Variants in COPG2 observed in about 807,000 individuals in gnomAD.
COPG2 encodes coat protein complex I subunit gamma 2.
Under a neutral mutation model 46.3 loss-of-function variants are expected in COPG2, and 37 were observed. The ratio of observed to expected loss-of-function variants is 0.80; its 90% CI spans 0.61 to 1.05. The LOEUF (loss-of-function observed/expected upper bound fraction) is 1.05, where lower values mean the gene tolerates loss of function less well. Ranked by LOEUF, COPG2 falls within the 50% of genes least tolerant of loss-of-function variation. The pLI is 0.00. For synonymous variants in COPG2, 159 were observed against 129.7 expected (o/e 1.23, Z -1.53); for missense variants, 427 against 387.8 (o/e 1.10, Z -0.85).
At chr7:130,659,354 C>CAAAAAAAAA (rs59413856) in intron 4 of COPG2, among the ~76,000 whole-genome samples, 1 of 65,466 alleles carries the variant, frequency 1.5e-5, no homozygotes, top group Non-Finnish European at 2.8e-5. Flanking sequence ...GACTCCGTCT[C>CAAAAAAAAA]AAAAAAAAAA....
intron 4 of COPG2, among the ~76,000 whole-genome samples, chr7:130,656,999 T>G (rs1348345597): frequency 1.3e-5 from 2 of 149,882 alleles, no homozygotes; most frequent in African/African-American, 2.4e-5. Context: ...ATTTCTATAT[T>G]ATCTATATAT....
chr7:130,652,129 T>A (rs1554459218), intron 5 of COPG2, among the ~76,000 whole-genome samples: 1 of 152,234 alleles, frequency 6.6e-6, no homozygotes, highest in Non-Finnish European at 1.5e-5. Flanking sequence ...GACACGTAAG[T>A]TGTTTGTCCT....
At chr7:130,600,912 G>C (rs1237513830) in intron 9 of COPG2, among the ~76,000 whole-genome samples, 1 of 152,160 alleles carries the variant, frequency 6.6e-6, no homozygotes, top group East Asian at 1.9e-4. Context: ...GTTTGTCTGT[G>C]TGACCAAAGG....
chr7:130,604,145 T>A (rs905663455), intron 9 of COPG2, among the ~76,000 whole-genome samples: 1 of 152,058 alleles, frequency 6.6e-6, no homozygotes, highest in African/African-American at 2.4e-5. Flanking sequence ...TGGAAGAAAA[T>A]CCATGTGTAA....
intron 8 of COPG2, 143 bp downstream of exon 8, chr7:130,612,009 G>C (rs1794858094): frequency 1.6e-6 from 1 of 645,086 alleles, no homozygotes; most frequent in Non-Finnish European, 2.8e-6. Flanking sequence ...TAATTAGTGA[G>C]ATTCCTACTT....
In COPG2 at chr7:130,547,710, T is replaced by G. The variant is rs1054839359; in HGVS notation, c.2113A>C (p.Thr705Pro). Residue 705 changes from threonine (T) to proline (P), a missense_variant, in exon 20 of 24, where the codon ACT becomes CCT. Physicochemically the swap from Thr to Pro is conservative, Grantham distance 38 (BLOSUM62 -1). Transcript: ENST00000425248. ...TCATCATCAGGCAAACGAACAAGAG[T>G]GTAACATATTCCTGGTTGGTTATAA... ...LPYNQPGICY[T>P]LVRLPDDDPT... is the part of the protein sequence containing the mutation. The G allele has an allele frequency of 7.5e-6, 3 of 398,304 alleles. No individual in the cohort carries two copies. Among genetic ancestry groups the G allele is most frequent in the African/African-American group, 2.1e-5 (1 of 48,586 alleles). 24.7% of individuals were successfully genotyped at this position (398,304 alleles called of 1,614,324 possible).
At chr7:130,531,630 A>G (rs1799826329) in intron 20 of COPG2, among the ~76,000 whole-genome samples, 1 of 152,138 alleles carries the variant, frequency 6.6e-6, no homozygotes, top group South Asian at 2.1e-4. Flanking sequence ...CAGAGAGAAA[A>G]TAAGGAAGGG....
intron 20 of COPG2, among the ~76,000 whole-genome samples, chr7:130,535,467 T>C (rs1799869426): frequency 6.6e-6 from 1 of 151,214 alleles, no homozygotes; most frequent in Admixed American, 6.6e-5. Flanking sequence ...AACCAAGGAA[T>C]GTGGAGTGCT....
At chr7:130,606,143 T>C (rs1338538257) in intron 9 of COPG2, among the ~76,000 whole-genome samples, 4 of 151,824 alleles carry the variant, frequency 2.6e-5, no homozygotes, top group African/African-American at 9.7e-5. Context: ...TATGAATGGC[T>C]TGAACCCAGG....
chr7:130,625,012 T>A (rs1795094049), intron 5 of COPG2, among the ~76,000 whole-genome samples: 1 of 152,262 alleles, frequency 6.6e-6, no homozygotes. Flanking sequence ...GTGGTTGTAC[T>A]AATTTACATT....
At chr7:130,626,648 T>C (rs984394610) in intron 5 of COPG2, among the ~76,000 whole-genome samples, 1 of 152,164 alleles carries the variant, frequency 6.6e-6, no homozygotes, top group Non-Finnish European at 1.5e-5. Flanking sequence ...CTTTGACTGT[T>C]GAGCTGCTTT....
At chr7:130,509,372 T>C (rs1799559048) in intron 20 of COPG2, 1 of 462,954 alleles carries the variant, frequency 2.2e-6, no homozygotes, top group Non-Finnish European at 4.3e-6. Flanking sequence ...TCTGAAATGT[T>C]TGAAGGAGGG....
At chr7:130,531,649 A>C (rs1430113176) in intron 20 of COPG2, among the ~76,000 whole-genome samples, 6 of 152,154 alleles carry the variant, frequency 3.9e-5, no homozygotes, top group Non-Finnish European at 8.8e-5. Flanking sequence ...GGAATGCGGT[A>C]GTTCCACGTG....
intron 9 of COPG2, among the ~76,000 whole-genome samples, chr7:130,599,710 A>G (rs913506745): frequency 2.6e-5 from 4 of 152,208 alleles, no homozygotes; most frequent in African/African-American, 9.6e-5. Context: ...AGGCAAAACT[A>G]AACTTTACTG....
intron 5 of COPG2, among the ~76,000 whole-genome samples, chr7:130,652,181 A>G (rs1336339078): frequency 2.0e-5 from 3 of 152,234 alleles, no homozygotes; most frequent in Non-Finnish European, 4.4e-5. Flanking sequence ...ATCAATATAT[A>G]TAAGTTTTTC....
chr7:130,508,676 G>A lies in COPG2; in HGVS notation c.2150-17C>T. ...AGCCTGCAACTGGAGGAGAAGGGAG[G>A]CAAACCTGCATCAGTGGGGAGTGCA... On this transcript the variant is annotated splice_polypyrimidine_tract_variant and intron_variant, in intron 20 of 23. Coordinates refer to ENST00000425248, the MANE Select transcript of COPG2 (RefSeq NM_012133.6). The A allele has an allele frequency of 1.3e-6, 1 of 746,288 alleles. No homozygotes were observed. The highest frequency in any genetic ancestry group is 2.5e-6 in the Non-Finnish European group (1 of 400,222). The allele number at this position is 746,288 out of a possible 1,614,324, so 46.2% of individuals were successfully genotyped here. A position where few individuals can be genotyped will look rare whatever the true frequency, so the allele number is the denominator to read the frequency against.
chr7:130,605,337 A>G, intron 9 of COPG2: 1 of 501,138 alleles, frequency 2.0e-6, no homozygotes. Flanking sequence ...TCATTCCTAG[A>G]ACTGATGAAT....
intron 5 of COPG2, among the ~76,000 whole-genome samples, chr7:130,647,730 ATT>A (rs35878935): frequency 2.5e-3 from 324 of 131,798 alleles, no homozygotes; most frequent in African/African-American, 4.5e-3. Context: ...CCTCATTAAG[ATT>A]TTTTTTTTTT....
intron 9 of COPG2, among the ~76,000 whole-genome samples, chr7:130,565,941 T>C (rs1793795633): frequency 6.6e-6 from 1 of 152,116 alleles, no homozygotes; most frequent in African/African-American, 2.4e-5. Context: ...TTTGGAGACC[T>C]GTGTAACATG....
Sources: gnomAD v4.1 joint callset for allele counts (sites outside exome capture counted in the v4.1 genomes callset) on GRCh38, gnomAD v4.1.1 for gene constraint, MANE v1.5 for transcripts, NCBI Gene and HGNC (gene_info 2026-07-23, HGNC 2026-07-21) for gene names.